ERCC5: variants seen among roughly 807,000 people sequenced by gnomAD.
ERCC5 encodes DNA excision repair protein ERCC-5.
In ERCC5, 68 loss-of-function variants were observed where a neutral mutation model predicts 105.6. The observed-to-expected ratio is 0.64, with a 90% CI of 0.53 to 0.79. The LOEUF is 0.79. ERCC5 is among the 30% of genes least tolerant of loss of function. ERCC5 has a pLI of 0.00. For missense variants in ERCC5, 1,373 were observed against 1,426.7 expected (o/e 0.96, Z 0.61); for synonymous variants, 546 against 526.2 (o/e 1.04, Z -0.51).
rs4150362 is a variant in ERCC5 at position 102,872,932 on chromosome 13, G to C, written c.2880-327G>C. 1.2e-3 allele frequency among the ~76,000 whole-genome samples: 190 copies of C among 152,282 alleles called. 2 individuals are homozygous for C. The East Asian group carries it at 0.029, about 23-fold the overall frequency. On this transcript the variant is annotated intron_variant, in intron 13 of 14. Transcript: ENST00000652225. ...CTTGCACTAGAATTAATCCAACTACGTTTGATTTTTTCTCTTAATGAAATA... is the reference window on the plus strand; with the variant it reads ...CTTGCACTAGAATTAATCCAACTACCTTTGATTTTTTCTCTTAATGAAATA...
At chr13:102,870,283 T>A (rs1212072989) in intron 12 of ERCC5, among the ~76,000 whole-genome samples, 1 of 152,198 alleles carries the variant, frequency 6.6e-6, no homozygotes, top group Non-Finnish European at 1.5e-5. Flanking sequence ...TACACAAAAT[T>A]ATGGATTCTG....
chr13:102,861,447 T>C, intron 6 of ERCC5, 60 bp from the exon 7 acceptor site: 1 of 1,566,108 alleles, frequency 6.4e-7, no homozygotes, highest in South Asian at 1.1e-5. Context: ...GGTGGAAATA[T>C]GGTAATATTA....
In ERCC5 at chr13:102,865,779, G is replaced by A. The variant is rs1490690078; in HGVS notation, c.2067G>A (p.Arg689=). Residue 689 remains arginine, a synonymous_variant, in exon 9 of 15, where the codon AGG becomes AGA. Coordinates refer to ENST00000652225, the MANE Select transcript of ERCC5 (RefSeq NM_000123.4). This position sits in a 1 kb window ranked among gnomAD's most constrained non-coding sequence, Gnocchi z 4.0. ...GCGAAGAGGAACTGGTAGGAACTAG[G>A]GAGGGAGAAGCCCCTGCTGAGTCCG... ...EQGEEELVGT[R]EGEAPAESES... 3 of 1,614,050 alleles carry A rather than the reference G, an allele frequency of 1.9e-6. No homozygotes were observed. The African/African-American group carries it at 4.0e-5, about 22-fold the overall frequency.
At chr13:102,856,859 T>G (rs1449892534) in intron 5 of ERCC5, among the ~76,000 whole-genome samples, 1 of 152,254 alleles carries the variant, frequency 6.6e-6, no homozygotes, top group African/African-American at 2.4e-5. Context: ...GTATTCCCAG[T>G]GTGGGCATCC....
chr13:102,858,317 G>T lies in ERCC5; in HGVS notation c.571G>T (p.Glu191Ter). The T allele has an allele frequency of 1.9e-6, 3 of 1,614,118 alleles. No homozygotes were observed. In the South Asian group the frequency reaches 3.3e-5, roughly 18 times the overall value. Residue 191 changes from glutamate to a stop codon, truncating the protein, a stop_gained, in exon 6 of 15, where the codon GAG (glutamate) becomes TAG (stop). Transcript: ENST00000652225. LOFTEE classifies it high-confidence loss of function. ...HNPQAIDIES[E>*]DFSSLPPEVK... ...TCCTCAAGCGATAGATATTGAGTCT[G>T]AGGACTTCAGCAGCCTGCCCCCTGA...
chr13:102,852,097 T>G, intron 1 of ERCC5, 21 bp from the exon 2 acceptor site: 1 of 1,613,742 alleles, frequency 6.2e-7, no homozygotes, highest in Non-Finnish European at 8.5e-7. Flanking sequence ...CCGGAGTTTT[T>G]TCCATTAACA....
Position 102,862,945 on chromosome 13 carries a change from A to G in ERCC5, c.1796A>G (p.Asn599Ser). ...IVSVPSEAVD[N>S]VENVVSFNAK... The stretch of plus-strand genomic sequence containing the variant: ...AGTGTCCCTTCAGAGGCAGTAGATA[A>G]TGTGGAAAATGTGGTGTCATTTAAT... The change falls in exon 8 of 15, where the codon AAT becomes AGT. Residue 599 changes from asparagine to serine, a missense_variant. Coordinates refer to ENST00000652225, the MANE Select transcript of ERCC5 (RefSeq NM_000123.4). The G allele has an allele frequency of 6.2e-7, 1 of 1,614,228 alleles. No individual in the cohort carries two copies. Among genetic ancestry groups the G allele is most frequent in the Non-Finnish European group, 8.5e-7 (1 of 1,180,040 alleles).
chr13:102,862,365 G>C lies in ERCC5; in HGVS notation c.1216G>C (p.Gly406Arg), dbSNP rs145157335. ...DDDEDVKVCA[G>R]DDVQTGGPGA... ...TGACGAAGATGTAAAAGTGTGTGCT[G>C]GGGATGATGTGCAGACGGGAGGGCC... Residue 406 changes from glycine to arginine, a missense_variant, in exon 8 of 15, where the codon GGG becomes CGG. Coordinates refer to ENST00000652225, the MANE Select transcript of ERCC5 (RefSeq NM_000123.4). 1 of 1,614,138 alleles carries C rather than the reference G, an allele frequency of 6.2e-7. No individual in the cohort carries two copies. Among genetic ancestry groups the C allele is most frequent in the Non-Finnish European group, 8.5e-7 (1 of 1,180,024 alleles).
At chr13:102,853,721 T>C in intron 2 of ERCC5, 36 bp from the exon 3 acceptor site, 3 of 1,596,352 alleles carry the variant, frequency 1.9e-6, no homozygotes, top group Non-Finnish European at 2.6e-6. Context: ...TGGTCTAATA[T>C]CCTGAAGTGA....
intron 13 of ERCC5, among the ~76,000 whole-genome samples, chr13:102,872,638 T>A (rs1293563341): frequency 1.3e-5 from 2 of 152,132 alleles, no homozygotes; most frequent in African/African-American, 4.8e-5. Flanking sequence ...AGTGGTGCAA[T>A]CATAGCTCAC....
intron 1 of ERCC5, among the ~76,000 whole-genome samples, chr13:102,850,214 C>T (rs1400322309): frequency 1.3e-5 from 2 of 152,178 alleles, no homozygotes; most frequent in Admixed American, 1.3e-4. Flanking sequence ...GTGTGAGCTA[C>T]CGCACTCGGC....
At chr13:102,868,069 A>G (rs1439301753) in intron 11 of ERCC5, 44 bp from the exon 12 acceptor site, 2 of 1,572,632 alleles carry the variant, frequency 1.3e-6, no homozygotes, top group Admixed American at 1.7e-5. Flanking sequence ...TAAATGTCAT[A>G]TAAGAAATCT....
At chr13:102,867,759 G>A (rs1260147689) in intron 11 of ERCC5, among the ~76,000 whole-genome samples, 3 of 152,142 alleles carry the variant, frequency 2.0e-5, no homozygotes, top group African/African-American at 7.2e-5. Flanking sequence ...TGGAGGAGGA[G>A]AAACGAAGTG....
At chr13:102,856,023 G>A in intron 4 of ERCC5, 29 bp from the exon 5 acceptor site, 2 of 1,611,070 alleles carry the variant, frequency 1.2e-6, no homozygotes, top group Non-Finnish European at 1.7e-6. Flanking sequence ...AAAAATCATA[G>A]ATATCGTAAA....
rs773911291 is a variant in ERCC5, at chr13:102,862,603, C to G, written c.1454C>G (p.Ala485Gly). Residue 485 changes from alanine to glycine, a missense_variant, in exon 8 of 15, where the codon GCC becomes GGC. Physicochemically the swap from Ala to Gly is moderately conservative, Grantham distance 60 (BLOSUM62 0). This residue lies in a region of ERCC5 where 1,004 missense variants were observed against 1,059.7 expected (regional missense o/e 0.95). Transcript: ENST00000652225. ...QMSLVHVGTE[A>G]FPISDESMIK... ...TCACTTGTTCACGTGGGGACTGAAG[C>G]CTTTCCGATAAGTGATGAGTCTATG... The G allele has an allele frequency of 3.7e-6, 6 of 1,613,998 alleles. No homozygotes were observed. Among genetic ancestry groups the G allele is most frequent in the Middle Eastern group, 1.6e-4 (1 of 6,084 alleles).
At chr13:102,870,502 G>A (rs1044434106) in intron 12 of ERCC5, among the ~76,000 whole-genome samples, 1 of 151,976 alleles carries the variant, frequency 6.6e-6, no homozygotes, top group Admixed American at 6.6e-5. Flanking sequence ...GAAGTGCCAG[G>A]CCCTCCTGCT....
In ERCC5 at chr13:102,846,065, T is replaced by A. The variant is rs1023512822; in HGVS notation, c.-202T>A. 6.8e-6 allele frequency: 4 copies of A among 589,226 alleles called. No individual in the cohort carries two copies. The highest frequency in any genetic ancestry group is 3.0e-5 in the Admixed American group (1 of 33,558). The allele number at this position is 589,226 out of a possible 1,614,324, so 36.5% of individuals were successfully genotyped here. A position where few individuals can be genotyped will look rare whatever the true frequency, so the allele number is the denominator to read the frequency against. On this transcript the variant is annotated 5_prime_UTR_variant, in exon 1 of 15. It adds an upstream start codon to the 5' untranslated region. Transcript: ENST00000652225. ...AGGCGGTGACAGCTGCTGAGACGTGTTGCAGCCAGAGTCTCTCCGCTTTAA... is the reference window on the plus strand; with the variant it reads ...AGGCGGTGACAGCTGCTGAGACGTGATGCAGCCAGAGTCTCTCCGCTTTAA...
Position 102,875,878 on chromosome 13 carries a change from C to T in ERCC5, c.3536C>T (p.Ala1179Val), listed in dbSNP as rs998046185. 10 of 1,609,680 alleles carry T rather than the reference C, an allele frequency of 6.2e-6. No individual in the cohort carries two copies. The highest frequency in any genetic ancestry group is 3.3e-5 in the Admixed American group (2 of 59,972). The change falls in exon 15 of 15, where the codon GCG (alanine) becomes GTG (valine). Residue 1179 changes from alanine to valine, a missense_variant. Physicochemically the swap from Ala to Val is moderately conservative, Grantham distance 64 (BLOSUM62 0). Transcript: ENST00000652225. ...AAGAAAAGAAGGAAACTAAGACGTGCGAGGGGAAGAAAAAGGAAAACCTAA... is the reference window on the plus strand; with the variant it reads ...AAGAAAAGAAGGAAACTAAGACGTGTGAGGGGAAGAAAAAGGAAAACCTAA... ...FGKKRRKLRR[A>V]RGRKRKT
chr13:102,874,071 T>C (rs376378208), intron 14 of ERCC5, among the ~76,000 whole-genome samples: 39 of 152,346 alleles, frequency 2.6e-4, no homozygotes, highest in African/African-American at 8.9e-4. Flanking sequence ...TTTGGATGAC[T>C]ATCTACTGGA....
Sources: allele counts gnomAD v4.1 joint callset (sites outside exome capture counted in the v4.1 genomes callset), GRCh38; gene constraint gnomAD v4.1.1; regional missense constraint gnomAD v4.1.1; non-coding constraint Gnocchi (gnomAD v3.1); transcripts MANE v1.5; gene names NCBI Gene and HGNC (gene_info 2026-07-23, HGNC 2026-07-21).